Variants in CTNNA3 observed in about 807,000 individuals in gnomAD.
CTNNA3 encodes the protein catenin alpha-3.
Under a neutral mutation model 95.7 loss-of-function variants are expected in CTNNA3, and 76 were observed. That is an observed-to-expected ratio of 0.79 (90% CI 0.66 to 0.96). The LOEUF is 0.96. Ranked by LOEUF, CTNNA3 falls within the 40% of genes least tolerant of loss-of-function variation. The pLI is 0.00. For missense variants in CTNNA3, 1,191 were observed against 1,089.8 expected, an observed-to-expected ratio of 1.09 and a Z score of -1.31; for synonymous variants, 431 against 374.4, an observed-to-expected ratio of 1.15 and a Z score of -1.74.
intron 10 of CTNNA3, among the ~76,000 whole-genome samples, chr10:66,530,048 T>C (rs1198897567): frequency 6.6e-6 from 1 of 152,188 alleles, no homozygotes; most frequent in African/African-American, 2.4e-5. Flanking sequence ...GAAAGATTTC[T>C]AAAAACAATT....
chr10:66,839,566 C>A (rs1274874914), intron 7 of CTNNA3, among the ~76,000 whole-genome samples: 1 of 151,906 alleles, frequency 6.6e-6, no homozygotes, highest in Non-Finnish European at 1.5e-5. Context: ...GTCTGGAATC[C>A]AAAATAGTAC....
chr10:67,193,362 C>T (rs1006694507), intron 6 of CTNNA3, among the ~76,000 whole-genome samples: 3 of 151,838 alleles, frequency 2.0e-5, no homozygotes, highest in African/African-American at 4.8e-5. Flanking sequence ...TTTTCCTAAA[C>T]CTTTTAAGTC....
At position 66,476,983 on chromosome 10, in the gene CTNNA3, T is replaced by C. The variant is rs552274321; in HGVS notation, c.1531+43634A>G. 7.9e-5 allele frequency among the ~76,000 whole-genome samples: 12 copies of C among 152,264 alleles called. No individual in the cohort carries two copies. In the South Asian group the frequency reaches 1.2e-3, roughly 16 times the overall value. On this transcript the variant is annotated intron_variant, in intron 11 of 17. Transcript: ENST00000433211. ...AAAATGTATCCATTATTTATGTTAA[T>C]ATTTAACTCTTTCTCCAAATAAATT...
chr10:67,543,398 C>A (rs949774519), intron 3 of CTNNA3, among the ~76,000 whole-genome samples: 2 of 151,884 alleles, frequency 1.3e-5, no homozygotes, highest in Non-Finnish European at 2.9e-5. Context: ...CACATATTAC[C>A]AAATATTCTT....
chr10:67,251,143 T>G (rs147004040), intron 5 of CTNNA3, among the ~76,000 whole-genome samples: 2 of 152,278 alleles, frequency 1.3e-5, no homozygotes, highest in Non-Finnish European at 2.9e-5. Context: ...CAAAATATTA[T>G]TTGTCAATGA....
At chr10:67,185,217 C>A (rs959512235) in intron 6 of CTNNA3, among the ~76,000 whole-genome samples, 18 of 151,768 alleles carry the variant, frequency 1.2e-4, no homozygotes, top group African/African-American at 4.4e-4. Context: ...CAACCTCTAC[C>A]CCCAAATTCA....
At chr10:67,689,826 C>T (rs764478793) in intron 1 of CTNNA3, among the ~76,000 whole-genome samples, 14 of 152,104 alleles carry the variant, frequency 9.2e-5, no homozygotes, top group Admixed American at 3.3e-4. Flanking sequence ...CCAGCGGCCG[C>T]GCTAGTTGCT....
chr10:66,252,743 G>C (rs909358289), intron 13 of CTNNA3, among the ~76,000 whole-genome samples: 3 of 152,232 alleles, frequency 2.0e-5, no homozygotes, highest in Non-Finnish European at 4.4e-5. Flanking sequence ...TGAGTGTCAA[G>C]AGGTGGAAGG....
At chr10:67,353,680 T>C (rs75078021) in intron 5 of CTNNA3, among the ~76,000 whole-genome samples, 1,626 of 152,032 alleles carry the variant, frequency 0.011, 21 homozygotes, top group African/African-American at 0.032. Context: ...GGGATAAGCT[T>C]TATGATGCTT....
chr10:67,555,260 C>T (rs939190731), intron 3 of CTNNA3, among the ~76,000 whole-genome samples: 45 of 152,172 alleles, frequency 3.0e-4, no homozygotes, highest in African/African-American at 1.1e-3. Context: ...TCCATATGAA[C>T]TTTAAGTAGT....
rs547739526 is a variant in CTNNA3, at chr10:65,954,177, A to G, written c.2400+12435T>C. ...TTTCATGTGTCTGTTGGCTGCATAA[A>G]TGTCTTCTTTTGAGAAATGTCTGTT... On this transcript the variant is annotated intron_variant, in intron 17 of 17. Coordinates refer to ENST00000433211, the MANE Select transcript of CTNNA3 (RefSeq NM_013266.4). 1.1e-4 allele frequency among the ~76,000 whole-genome samples: 17 copies of G among 152,328 alleles called. 1 individual carries two copies. The South Asian group carries it at 3.3e-3, about 30-fold the overall frequency.
intron 7 of CTNNA3, among the ~76,000 whole-genome samples, chr10:67,103,767 T>A (rs1858473578): frequency 6.6e-6 from 1 of 151,650 alleles, no homozygotes; most frequent in African/African-American, 2.4e-5. Flanking sequence ...TATACAGAAT[T>A]ATTTATTCTG....
intron 12 of CTNNA3, among the ~76,000 whole-genome samples, chr10:66,374,763 T>C (rs1391034339): frequency 6.6e-6 from 1 of 151,880 alleles, no homozygotes; most frequent in African/African-American, 2.4e-5. Flanking sequence ...TACAGGCACA[T>C]GCTACAACAC....
At chr10:67,017,725 C>CTGTGTGTGTGTG (rs10586644) in intron 7 of CTNNA3, among the ~76,000 whole-genome samples, 2 of 147,892 alleles carry the variant, frequency 1.4e-5, no homozygotes, top group Non-Finnish European at 3.0e-5. Flanking sequence ...CAAAAATCAT[C>CTGTGTGTGTGTG]TGTGTGTGTG....
intron 13 of CTNNA3, among the ~76,000 whole-genome samples, chr10:66,114,771 C>T (rs60937253): frequency 0.022 from 3,272 of 151,142 alleles, 122 homozygotes; most frequent in African/African-American, 0.076. Context: ...CCCAGCTTCT[C>T]GGGAGGCTGA....
At chr10:67,257,137 T>C (rs1287486398) in intron 5 of CTNNA3, among the ~76,000 whole-genome samples, 1 of 152,224 alleles carries the variant, frequency 6.6e-6, no homozygotes, top group African/African-American at 2.4e-5. Flanking sequence ...ACAATAGTTA[T>C]CTAAATAGTT....
At chr10:67,658,192 T>A (rs1465656740) in intron 1 of CTNNA3, among the ~76,000 whole-genome samples, 1 of 152,240 alleles carries the variant, frequency 6.6e-6, no homozygotes, top group African/African-American at 2.4e-5. Context: ...TGACTTTAGA[T>A]AAATTACTGA....
intron 10 of CTNNA3, among the ~76,000 whole-genome samples, chr10:66,521,049 A>C (rs1158726133): frequency 1.3e-5 from 2 of 151,534 alleles, no homozygotes; most frequent in African/African-American, 4.8e-5. Flanking sequence ...TCAATACATT[A>C]AGTGTATTAA....
chr10:67,704,573 T>C (rs1439836769), intron 1 of CTNNA3, among the ~76,000 whole-genome samples: 1 of 152,202 alleles, frequency 6.6e-6, no homozygotes. Context: ...TGGCTAGCCA[T>C]TTGTAGAAAG....
Sources: gnomAD v4.1 joint callset for allele counts (sites outside exome capture counted in the v4.1 genomes callset) on GRCh38, gnomAD v4.1.1 for gene constraint, MANE v1.5 for transcripts, NCBI Gene and HGNC (gene_info 2026-07-23, HGNC 2026-07-21) for gene names.